The following SCG5 variants were observed in gnomAD, a reference collection of about 807,000 sequenced individuals.
The protein encoded by SCG5 is secretogranin V.
Under a neutral mutation model 25.7 loss-of-function variants are expected in SCG5, and 18 were observed. The ratio of observed to expected loss-of-function variants is 0.70; its 90% CI spans 0.48 to 1.04. The LOEUF (loss-of-function observed/expected upper bound fraction) is 1.04, where lower values mean the gene tolerates loss of function less well. Among genes scored for constraint, SCG5 ranks in the 50% least tolerant of loss-of-function variants. The probability of loss-of-function intolerance (pLI) is 0.00; values close to 1 mark genes in which losing one functional copy is unlikely to be tolerated. For synonymous variants in SCG5, 101 were observed against 91.7 expected, an observed-to-expected ratio of 1.10 and a Z score of -0.58; for missense variants, 206 against 259.8, an observed-to-expected ratio of 0.79 and a Z score of 1.42.
intron 2 of SCG5, among the ~76,000 whole-genome samples, chr15:32,664,364 C>G (rs2054286426): frequency 6.6e-6 from 1 of 152,150 alleles, no homozygotes; most frequent in Non-Finnish European, 1.5e-5. Context: ...ATTCAATCAC[C>G]TTTCATTTTC....
Position 32,671,515 on chromosome 15 carries a change from C to A in SCG5, c.227-8251C>A, listed in dbSNP as rs571247265. On this transcript the variant is annotated intron_variant, in intron 2 of 5. Transcript: ENST00000300175. ...CCAATCTGTTTCTCCCTCTCCTGCT[C>A]TTTCTCTTTGCCTCTGTCTTCTTCT... Among the ~76,000 whole-genome samples, 3 of 152,268 alleles carry A rather than the reference C, an allele frequency of 2.0e-5. No individual in the cohort carries two copies. In the East Asian group the frequency reaches 5.8e-4, roughly 29 times the overall value.
At chr15:32,688,827 C>T (rs903076269) in intron 4 of SCG5, among the ~76,000 whole-genome samples, 8 of 152,040 alleles carry the variant, frequency 5.3e-5, no homozygotes, top group East Asian at 1.9e-4. Flanking sequence ...GGCGCGGTGG[C>T]GGGTGCCTGT....
At chr15:32,662,461 C>A (rs1304870784) in intron 2 of SCG5, among the ~76,000 whole-genome samples, 3 of 149,428 alleles carry the variant, frequency 2.0e-5, no homozygotes, top group Non-Finnish European at 4.4e-5. Flanking sequence ...TGAAACAGAA[C>A]ATCTCTTCCT....
chr15:32,691,991 T>C, intron 5 of SCG5: 2 of 1,406,148 alleles, frequency 1.4e-6, no homozygotes, highest in South Asian at 3.4e-5. Flanking sequence ...GCGCAGTCTG[T>C]AGCAATTCTA....
intron 5 of SCG5, among the ~76,000 whole-genome samples, chr15:32,694,710 C>A (rs1692294850): frequency 6.6e-6 from 1 of 152,240 alleles, no homozygotes; most frequent in Admixed American, 6.5e-5. Context: ...TGTCACTTTT[C>A]AAGTGTCTGA....
intron 2 of SCG5, among the ~76,000 whole-genome samples, chr15:32,653,547 A>T (rs117209336): frequency 6.6e-6 from 1 of 152,212 alleles, no homozygotes; most frequent in Non-Finnish European, 1.5e-5. Flanking sequence ...ATGTATAGAG[A>T]GACAGACAGT....
At chr15:32,657,939 T>G (rs924389701) in intron 2 of SCG5, among the ~76,000 whole-genome samples, 19 of 152,122 alleles carry the variant, frequency 1.2e-4, no homozygotes, top group Admixed American at 9.8e-4. Flanking sequence ...ATTGAGCGTG[T>G]TTACAGAAAA....
At chr15:32,647,825 T>C (rs941334873) in intron 2 of SCG5, among the ~76,000 whole-genome samples, 9 of 152,202 alleles carry the variant, frequency 5.9e-5, no homozygotes, top group Non-Finnish European at 1.3e-4. Context: ...TTTTCCTTTT[T>C]TTCTTTACCC....
At chr15:32,657,690 C>T (rs75509430) in intron 2 of SCG5, among the ~76,000 whole-genome samples, 2,479 of 152,250 alleles carry the variant, frequency 0.016, 59 homozygotes, top group African/African-American at 0.057. Context: ...GTGGGCGTCT[C>T]TGGCAGCCCA....
intron 2 of SCG5, among the ~76,000 whole-genome samples, chr15:32,669,855 C>A (rs1369032408): frequency 2.7e-5 from 4 of 146,136 alleles, no homozygotes; most frequent in Non-Finnish European, 6.0e-5. Context: ...ACAGCCAAAA[C>A]AAACACCGCT....
chr15:32,678,993 G>C (rs759597420), intron 2 of SCG5, among the ~76,000 whole-genome samples: 4 of 152,188 alleles, frequency 2.6e-5, no homozygotes, highest in Non-Finnish European at 2.9e-5. Context: ...GGATAACAGT[G>C]ACCTTATCTT....
chr15:32,644,526 A>C (rs1261374650), intron 2 of SCG5, among the ~76,000 whole-genome samples: 1 of 152,232 alleles, frequency 6.6e-6, no homozygotes, highest in Non-Finnish European at 1.5e-5. Flanking sequence ...CTTGTATTAG[A>C]AAGCAGTACT....
chr15:32,675,979 A>G (rs768991586), intron 2 of SCG5, among the ~76,000 whole-genome samples: 2 of 152,260 alleles, frequency 1.3e-5, no homozygotes, highest in Non-Finnish European at 2.9e-5. Flanking sequence ...CCATAGCATC[A>G]TATTATTTTG....
chr15:32,672,392 C>G (rs1467146898), intron 2 of SCG5, among the ~76,000 whole-genome samples: 1 of 152,216 alleles, frequency 6.6e-6, no homozygotes, highest in Non-Finnish European at 1.5e-5. Context: ...AGGGTGTTCC[C>G]AAGTTGTGTG....
At chr15:32,665,947 A>C (rs1030811394) in intron 2 of SCG5, 4 of 152,224 alleles carry the variant, frequency 2.6e-5, no homozygotes, top group African/African-American at 9.6e-5. Context: ...CATGCAGAAG[A>C]GCAGAAGGAT....
intron 2 of SCG5, among the ~76,000 whole-genome samples, chr15:32,651,546 T>C (rs1346753299): frequency 6.6e-6 from 1 of 152,242 alleles, no homozygotes; most frequent in East Asian, 1.9e-4. Context: ...CTGACTCTTA[T>C]GTGTCTTGAC....
At chr15:32,646,413 T>G (rs2053945112) in intron 2 of SCG5, among the ~76,000 whole-genome samples, 1 of 152,206 alleles carries the variant, frequency 6.6e-6, no homozygotes, top group South Asian at 2.1e-4. Context: ...TTGCTGGCTG[T>G]CAGCCAACCA....
At chr15:32,671,588 GAGA>G (rs1416371095) in intron 2 of SCG5, among the ~76,000 whole-genome samples, 7 of 152,216 alleles carry the variant, frequency 4.6e-5, no homozygotes, top group Non-Finnish European at 1.0e-4. Context: ...AGTGCTTACT[GAGA>G]AGGAGAAACC....
rs148620912 is a variant in SCG5, at chr15:32,665,243, G to A, written c.227-14523G>A. ...ACAATTAGAATAACACAGGGATCCT[G>A]AATAATCCATGCCTCTTGTCAAGAA... On this transcript the variant is annotated intron_variant, in intron 2 of 5. Coordinates refer to ENST00000300175, the MANE Select transcript of SCG5 (RefSeq NM_001144757.3). Among the ~76,000 whole-genome samples the A allele has an allele frequency of 7.8e-3, 1,187 of 152,214 alleles. 15 individuals are homozygous for A. The highest frequency in any genetic ancestry group is 0.014 in the Middle Eastern group (4 of 294).
Sources: allele counts gnomAD v4.1 joint callset (sites outside exome capture counted in the v4.1 genomes callset), GRCh38; gene constraint gnomAD v4.1.1; transcripts MANE v1.5; gene names NCBI Gene and HGNC (gene_info 2026-07-23, HGNC 2026-07-21).